Variants in TNRC6A observed in about 807,000 individuals in gnomAD.
TNRC6A encodes trinucleotide repeat-containing gene 6A protein.
TNRC6A carries 44 observed loss-of-function variants against 221.2 expected under a neutral mutation model. The observed-to-expected ratio is 0.20, with a 90% CI of 0.16 to 0.26. The LOEUF (loss-of-function observed/expected upper bound fraction) is 0.26. Ranked by LOEUF, TNRC6A falls within the 10% of genes least tolerant of loss-of-function variation. The pLI, the probability that TNRC6A is intolerant of heterozygous loss-of-function variation, is 1.00. For synonymous variants in TNRC6A, 847 were observed against 838.5 expected, an observed-to-expected ratio of 1.01 and a Z score of -0.18; for missense variants, 2,199 against 2,404.4, an observed-to-expected ratio of 0.91 and a Z score of 1.79.
intron 4 of TNRC6A, among the ~76,000 whole-genome samples, chr16:24,760,883 C>T (rs1031727932): frequency 6.6e-6 from 1 of 152,176 alleles, no homozygotes; most frequent in Non-Finnish European, 1.5e-5. Flanking sequence ...ATGATACTAA[C>T]CTCACCAGTT....
At chr16:24,818,490 T>C (rs2058699118) in intron 20 of TNRC6A, 103 bp from the exon 21 acceptor site, 5 of 862,024 alleles carry the variant, frequency 5.8e-6, no homozygotes, top group Non-Finnish European at 9.6e-6. Context: ...CTGTTTCCTT[T>C]CTTGTGGCAT....
At chr16:24,782,941 C>T (rs948861561) in intron 5 of TNRC6A, among the ~76,000 whole-genome samples, 1 of 152,176 alleles carries the variant, frequency 6.6e-6, no homozygotes, top group African/African-American at 2.4e-5. Flanking sequence ...CCATCTCTCT[C>T]ATACTCCTTG....
chr16:24,619,567 G>A (rs1900557445), intron 1 of TNRC6A, among the ~76,000 whole-genome samples: 1 of 152,176 alleles, frequency 6.6e-6, no homozygotes, highest in Admixed American at 6.6e-5. Flanking sequence ...CTGGAGAATG[G>A]AAAGAAATAA....
intron 9 of TNRC6A, among the ~76,000 whole-genome samples, chr16:24,796,584 A>G (rs982136095): frequency 3.3e-5 from 5 of 152,162 alleles, no homozygotes; most frequent in South Asian, 2.1e-4. Context: ...CTAGTTAGGT[A>G]TGGGGATGGA....
intron 2 of TNRC6A, among the ~76,000 whole-genome samples, chr16:24,736,444 G>T (rs751074401): frequency 2.2e-4 from 33 of 152,042 alleles, no homozygotes; most frequent in Non-Finnish European, 4.7e-4. Context: ...TTTTAAAGTT[G>T]TATTTGTTCT....
chr16:24,809,431 T>C lies in TNRC6A; in HGVS notation c.4622T>C (p.Val1541Ala). ...PQSRLRKWTT[V>A]DSISVNTSLD... The stretch of plus-strand genomic sequence containing the variant: ...TCAAGACTAAGGAAGTGGACGACAG[T>C]GGACAGCATTTCTGTGAACACATCT... The change falls in exon 18 of 25, where the codon GTG (valine) becomes GCG (alanine). Residue 1541 changes from valine (V) to alanine (A), a missense_variant. Val to Ala is a moderately conservative substitution (Grantham distance 64). This residue lies in a region of TNRC6A where 449 missense variants were observed against 579.7 expected (regional missense o/e 0.77). Transcript: ENST00000395799. The C allele has an allele frequency of 6.3e-7, 1 of 1,598,310 alleles. No individual in the cohort carries two copies. Among genetic ancestry groups the C allele is most frequent in the Non-Finnish European group, 8.5e-7 (1 of 1,171,850 alleles).
intron 2 of TNRC6A, among the ~76,000 whole-genome samples, chr16:24,697,043 G>A (rs74974963): frequency 0.055 from 8,334 of 152,212 alleles, 306 homozygotes; most frequent in South Asian, 0.078. Flanking sequence ...ATGGTTCACC[G>A]TAGCTTATTG....
At chr16:24,813,113 G>C (rs2058582828) in intron 18 of TNRC6A, among the ~76,000 whole-genome samples, 1 of 152,066 alleles carries the variant, frequency 6.6e-6, no homozygotes, top group Admixed American at 6.5e-5. Context: ...CTGAGCTCAA[G>C]TGATCCACCT....
chr16:24,797,892 C>A, intron 10 of TNRC6A, 23 bp from the exon 11 acceptor site: 1 of 1,595,418 alleles, frequency 6.3e-7, no homozygotes, highest in Non-Finnish European at 8.5e-7. Flanking sequence ...GGTCTGCTAA[C>A]ATGCTGCATT....
chr16:24,786,549 C>T (rs113459841), intron 5 of TNRC6A, among the ~76,000 whole-genome samples: 6,294 of 152,128 alleles, frequency 0.041, 154 homozygotes, highest in Non-Finnish European at 0.064. Flanking sequence ...CTGCTGACTT[C>T]GTGATCCTCC....
chr16:24,681,363 G>C (rs896919637), intron 2 of TNRC6A, among the ~76,000 whole-genome samples: 5 of 152,130 alleles, frequency 3.3e-5, no homozygotes, highest in Non-Finnish European at 7.3e-5. Context: ...GGGTAGCTGG[G>C]ATTACAGGCA....
chr16:24,806,808 A>G, intron 17 of TNRC6A, 24 bp downstream of exon 17: 1 of 1,609,754 alleles, frequency 6.2e-7, no homozygotes, highest in South Asian at 1.1e-5. Flanking sequence ...TGGCCCAAGT[A>G]TTGGACTGAT....
chr16:24,784,645 C>G (rs1203071232), intron 5 of TNRC6A, among the ~76,000 whole-genome samples: 1 of 152,102 alleles, frequency 6.6e-6, no homozygotes, highest in East Asian at 1.9e-4. Context: ...AAACTACAAC[C>G]TTTTTTACAA....
rs746103190 is a variant in TNRC6A, at chr16:24,823,405, CG to C, written c.5514-26del. On this transcript the variant is annotated intron_variant, in intron 24 of 24. Coordinates refer to ENST00000395799, the MANE Select transcript of TNRC6A (RefSeq NM_014494.4). The surrounding 1 kb of genome is among the most constrained non-coding windows in gnomAD (Gnocchi z 4.3). ...AAGCCCTCCTGGTGTGCTGTCCTCA[CG>C]TGTCCGCGGTGCCTCTCTCCTCTAG... The C allele has an allele frequency of 6.3e-7, 1 of 1,583,534 alleles. No homozygotes were observed. Among genetic ancestry groups the C allele is most frequent in the East Asian group, 2.2e-5 (1 of 44,560 alleles).
chr16:24,804,564 C>A, intron 12 of TNRC6A, 141 bp from the exon 13 acceptor site: 1 of 1,316,354 alleles, frequency 7.6e-7, no homozygotes, highest in Non-Finnish European at 1.0e-6. Context: ...AGAATTAACA[C>A]TAATCCGATC....
chr16:24,789,084 C>T (rs1295597567), intron 5 of TNRC6A, 148 bp from the exon 6 acceptor site: 3 of 757,408 alleles, frequency 4.0e-6, no homozygotes, highest in East Asian at 2.8e-5. Context: ...ATAACCAGTG[C>T]CCTTGTCACC....
rs1366664732 is a variant in TNRC6A at position 24,791,523 on chromosome 16, G to C, written c.2881G>C (p.Ala961Pro). The C allele has an allele frequency of 6.5e-7, 1 of 1,536,458 alleles. No homozygotes were observed. Among genetic ancestry groups the C allele is most frequent in the Non-Finnish European group, 8.7e-7 (1 of 1,146,116 alleles). The change falls in exon 6 of 25, where the codon GCT becomes CCT. Residue 961 changes from alanine to proline, a missense_variant. Coordinates refer to ENST00000395799, the MANE Select transcript of TNRC6A (RefSeq NM_014494.4). ...DIVGSWGIPP[A>P]TGKPPGTGWL... ...TGTTGGATCTTGGGGAATCCCACCA[G>C]CTACAGGCAAACCTCCTGGTACAGG...
chr16:24,645,363 C>T (rs565978046), intron 2 of TNRC6A, among the ~76,000 whole-genome samples: 31 of 151,772 alleles, frequency 2.0e-4, no homozygotes, highest in Non-Finnish European at 3.7e-4. Flanking sequence ...AAAATTAGTC[C>T]GGTGGTAGTG....
Position 24,819,725 on chromosome 16 carries a change from G to A in TNRC6A, c.5081-414G>A, listed in dbSNP as rs145839756. 3.4e-5 allele frequency: 7 copies of A among 207,302 alleles called. No homozygotes were observed. In the East Asian group the frequency reaches 9.1e-4, roughly 27 times the overall value. 12.8% of individuals were successfully genotyped at this position (207,302 alleles called of 1,614,324 possible). A position where few individuals can be genotyped will look rare whatever the true frequency, so the allele number is the denominator to read the frequency against. Reference sequence around the variant, plus strand: ...GAAGATCTCCTTTGGCAGCTCCTGAGTTGGGGCTCTTTTGCAGTCCTTTTT... The same window carrying A: ...GAAGATCTCCTTTGGCAGCTCCTGAATTGGGGCTCTTTTGCAGTCCTTTTT... On this transcript the variant is annotated intron_variant, in intron 21 of 24. Coordinates refer to ENST00000395799, the MANE Select transcript of TNRC6A (RefSeq NM_014494.4).
Sources: gnomAD v4.1 joint callset for allele counts (sites outside exome capture counted in the v4.1 genomes callset) on GRCh38, gnomAD v4.1.1 for gene constraint, gnomAD v4.1.1 regional missense constraint, Gnocchi (gnomAD v3.1) non-coding constraint, MANE v1.5 for transcripts, NCBI Gene and HGNC (gene_info 2026-07-23, HGNC 2026-07-21) for gene names.